The following CAMK1D variants were observed in gnomAD, a reference collection of about 807,000 sequenced individuals.
CAMK1D encodes calcium/calmodulin-dependent protein kinase type 1D.
In CAMK1D, 9 loss-of-function variants were observed where a neutral mutation model predicts 47.7. The observed-to-expected ratio is 0.19, with a 90% CI of 0.11 to 0.33. The LOEUF is 0.33. Among genes scored for constraint, CAMK1D ranks in the 10% least tolerant of loss-of-function variants. The pLI is 1.00. For synonymous variants in CAMK1D, 184 were observed against 184.9 expected (o/e 0.99, Z 0.04); for missense variants, 291 against 488.7 (o/e 0.60, Z 3.81).
chr10:12,398,527 T>G (rs1268226704), intron 1 of CAMK1D, among the ~76,000 whole-genome samples: 1 of 152,146 alleles, frequency 6.6e-6, no homozygotes, highest in Non-Finnish European at 1.5e-5. Context: ...TTTTATATTT[T>G]TAGAAGAGAC....
At chr10:12,821,121 C>T (rs905327863) in intron 8 of CAMK1D, among the ~76,000 whole-genome samples, 2 of 152,168 alleles carry the variant, frequency 1.3e-5, no homozygotes, top group Admixed American at 6.5e-5. Context: ...CAGGGAAGAG[C>T]TGATGTTGCA....
chr10:12,495,869 T>C (rs4747985), intron 1 of CAMK1D, among the ~76,000 whole-genome samples: 77,877 of 151,928 alleles, frequency 0.51, 20,660 homozygotes, highest in East Asian at 0.8. Context: ...ACTCTGTCAC[T>C]CAGGCCGGAG....
intron 2 of CAMK1D, among the ~76,000 whole-genome samples, chr10:12,612,899 A>G (rs1051365457): frequency 3.3e-5 from 5 of 152,196 alleles, no homozygotes; most frequent in African/African-American, 9.7e-5. Context: ...GGTCTTGTAA[A>G]GCAAATACAT....
chr10:12,660,658 G>A (rs1456223812), intron 2 of CAMK1D, among the ~76,000 whole-genome samples: 1 of 152,114 alleles, frequency 6.6e-6, no homozygotes, highest in Non-Finnish European at 1.5e-5. Context: ...TGGAGATTAT[G>A]GAGGCTTTCA....
chr10:12,749,562 G>GTTTTTTTTTTTTTTTTTTTTTTT, intron 3 of CAMK1D, among the ~76,000 whole-genome samples: 1 of 108,692 alleles, frequency 9.2e-6, no homozygotes, highest in South Asian at 2.7e-4. Context: ...TTGTTTGTTT[G>GTTTTTTTTTTTTTTTTTTTTTTT]TTTGTTTGTT....
At chr10:12,615,918 G>A (rs1366434220) in intron 2 of CAMK1D, among the ~76,000 whole-genome samples, 1 of 151,288 alleles carries the variant, frequency 6.6e-6, no homozygotes, top group Non-Finnish European at 1.5e-5. Context: ...GTGTGTATAG[G>A]TGTGTGTATG....
At chr10:12,430,270 T>G (rs1840397868) in intron 1 of CAMK1D, among the ~76,000 whole-genome samples, 1 of 152,116 alleles carries the variant, frequency 6.6e-6, no homozygotes, top group African/African-American at 2.4e-5. Context: ...AGCAAAGCGC[T>G]GTGGTCAATA....
chr10:12,491,476 A>ATTTT (rs377302358), intron 1 of CAMK1D, among the ~76,000 whole-genome samples: 2 of 152,046 alleles, frequency 1.3e-5, no homozygotes, highest in South Asian at 2.1e-4. Flanking sequence ...ATGTATATAT[A>ATTTT]TTTTTTTGTT....
chr10:12,481,095 G>C lies in CAMK1D; in HGVS notation c.93-72130G>C, dbSNP rs529926953. Reference sequence around the variant, plus strand: ...CCACCAGGTTAGGAGGATGAGAGGGGCCTGAATTCTACTAAGACGTGGGCA... The same window carrying C: ...CCACCAGGTTAGGAGGATGAGAGGGCCCTGAATTCTACTAAGACGTGGGCA... On this transcript the variant is annotated intron_variant, in intron 1 of 10. Transcript: ENST00000619168. Among the ~76,000 whole-genome samples the C allele has an allele frequency of 2.0e-5, 3 of 152,254 alleles. No individual in the cohort carries two copies. In the South Asian group the frequency reaches 6.2e-4, roughly 32 times the overall value.
chr10:12,617,776 A>T (rs931065973), intron 2 of CAMK1D, among the ~76,000 whole-genome samples: 1 of 152,178 alleles, frequency 6.6e-6, no homozygotes, highest in African/African-American at 2.4e-5. Flanking sequence ...GTCACAAAAG[A>T]CATAAATGAG....
In CAMK1D at chr10:12,833,100, CGTCT is replaced by C. The variant is rs1833445344; in HGVS notation, c.*4214_*4217del. On this transcript the variant is annotated 3_prime_UTR_variant, in exon 11 of 11. Coordinates refer to ENST00000619168, the MANE Select transcript of CAMK1D (RefSeq NM_153498.4). ...CAGCCTGGGTGACAGAGCAAGACTC[CGTCT>C]CAAAAAAGATGGCCATGCTGGCCAA... 6.6e-6 allele frequency: 1 copy of C among 152,360 alleles called. No homozygotes were observed. Among genetic ancestry groups the C allele is most frequent in the African/African-American group, 2.4e-5 (1 of 41,408 alleles). 9.4% of individuals were successfully genotyped at this position (152,360 alleles called of 1,614,324 possible).
intron 1 of CAMK1D, among the ~76,000 whole-genome samples, chr10:12,410,361 G>A (rs1839613498): frequency 6.6e-6 from 1 of 152,150 alleles, no homozygotes; most frequent in Admixed American, 6.5e-5. Flanking sequence ...TCCAGTTGGT[G>A]CACTTGTCTG....
chr10:12,750,668 A>AGAATGAAT lies in CAMK1D; in HGVS notation c.300-10261_300-10254dup, dbSNP rs62896660. Among the ~76,000 whole-genome samples the AGAATGAAT allele has an allele frequency of 2.6e-3, 388 of 151,454 alleles. 4 individuals are homozygous for AGAATGAAT. The East Asian group carries it at 0.037, about 14-fold the overall frequency. On this transcript the variant is annotated intron_variant, in intron 3 of 10. Transcript: ENST00000619168. ...CAAGGTTAGGGGATGGGGAAAGTCA[A>AGAATGAAT]GAATGAATGAATGAATGAATGAATG... is the stretch of plus-strand genomic sequence containing the variant.
chr10:12,370,979 G>T (rs1031157103), intron 1 of CAMK1D, among the ~76,000 whole-genome samples: 2 of 152,108 alleles, frequency 1.3e-5, no homozygotes, highest in African/African-American at 4.8e-5. Flanking sequence ...AGGAAATAAA[G>T]AAAATTTATT....
At chr10:12,451,530 G>C (rs376466726) in intron 1 of CAMK1D, among the ~76,000 whole-genome samples, 2 of 152,198 alleles carry the variant, frequency 1.3e-5, no homozygotes, top group African/African-American at 4.8e-5. Context: ...CTCTTTTCCT[G>C]TCTCAGCTTC....
At chr10:12,687,789 G>A (rs1192433063) in intron 3 of CAMK1D, among the ~76,000 whole-genome samples, 2 of 152,198 alleles carry the variant, frequency 1.3e-5, no homozygotes, top group African/African-American at 4.8e-5. Flanking sequence ...GCAGGCTACA[G>A]TGTCAGGAAT....
intron 1 of CAMK1D, among the ~76,000 whole-genome samples, chr10:12,524,208 G>A (rs990169959): frequency 1.3e-5 from 2 of 150,790 alleles, no homozygotes; most frequent in Non-Finnish European, 3.0e-5. Context: ...ATCGTAATCC[G>A]CCCATCTCAG....
In CAMK1D at chr10:12,387,380, A is replaced by ATTATATT. The variant is rs1280040597; in HGVS notation, c.92+37476_92+37477insTTTATAT. ...TATATATATAATATATATATTATAT[A>ATTATATT]TTATATATATTATATATTTTTATAT... On this transcript the variant is annotated intron_variant, in intron 1 of 10. Coordinates refer to ENST00000619168, the MANE Select transcript of CAMK1D (RefSeq NM_153498.4). Among the ~76,000 whole-genome samples the ATTATATT allele has an allele frequency of 1.1e-3, 36 of 31,852 alleles. No individual in the cohort carries two copies. In the East Asian group the frequency reaches 0.041, roughly 37 times the overall value. 20.9% of individuals were successfully genotyped at this position (31,852 alleles called of 152,430 possible). A position where few individuals can be genotyped will look rare whatever the true frequency, so the allele number is the denominator to read the frequency against.
At position 12,548,471 on chromosome 10, in the gene CAMK1D, C is replaced by G. The variant is rs1409802579; in HGVS notation, c.93-4754C>G. On this transcript the variant is annotated intron_variant, in intron 1 of 10. Coordinates refer to ENST00000619168, the MANE Select transcript of CAMK1D (RefSeq NM_153498.4). ...GCTTTTTTTTTTTTTTTTTTTTTTG[C>G]TGGGGGAGGAGGGGACAAGGTCTTG... Among the ~76,000 whole-genome samples, 116 of 26,778 alleles carry G rather than the reference C, an allele frequency of 4.3e-3. 1 individual carries two copies. In the South Asian group the frequency reaches 0.061, roughly 14 times the overall value. 17.6% of individuals were successfully genotyped at this position (26,778 alleles called of 152,430 possible).
Sources: allele counts gnomAD v4.1 joint callset (sites outside exome capture counted in the v4.1 genomes callset), GRCh38; gene constraint gnomAD v4.1.1; transcripts MANE v1.5; gene names NCBI Gene and HGNC (gene_info 2026-07-23, HGNC 2026-07-21).